The following REDIC1 variants were observed in gnomAD, a reference collection of about 807,000 sequenced individuals.
REDIC1 encodes the protein HEI10 Interacting Protein 1.
At chr12:39,712,031 T>TGTATATATACCTACCTGTAG in the REDIC1 span, among the ~76,000 whole-genome samples, 1 of 143,842 alleles carries the variant, frequency 7.0e-6, no homozygotes, top group Non-Finnish European at 1.5e-5. Flanking sequence ...TATATATACA[T>TGTATATATACCTACCTGTAG]GTATATATAC....
chr12:39,744,178 G>C, the REDIC1 span, among the ~76,000 whole-genome samples: 1 of 152,154 alleles, frequency 6.6e-6, no homozygotes, highest in East Asian at 1.9e-4. Flanking sequence ...GAAAAGAGTG[G>C]GGTGAAATAC....
chr12:39,626,297 C>A, the REDIC1 span: 1 of 1,612,868 alleles, frequency 6.2e-7, no homozygotes, highest in Non-Finnish European at 8.5e-7. Context: ...GATGTCTGAG[C>A]TCTAGACACA....
At chr12:39,669,518 G>T in the REDIC1 span, among the ~76,000 whole-genome samples, 8 of 152,340 alleles carry the variant, frequency 5.3e-5, no homozygotes, top group African/African-American at 1.7e-4. Flanking sequence ...ACTTGAGGGC[G>T]CAGTCTGTCC....
the REDIC1 span, among the ~76,000 whole-genome samples, chr12:39,856,949 G>A: frequency 1.3e-5 from 2 of 152,232 alleles, no homozygotes; most frequent in African/African-American, 4.8e-5. Context: ...TACACCAGAC[G>A]CTGATTCCAG....
At chr12:39,805,151 C>T in the REDIC1 span, among the ~76,000 whole-genome samples, 2 of 149,254 alleles carry the variant, frequency 1.3e-5, no homozygotes, top group Non-Finnish European at 3.0e-5. Context: ...CCAGGCCAGG[C>T]CAGAGAGTTG....
chr12:39,687,145 T>C, the REDIC1 span, among the ~76,000 whole-genome samples: 1 of 152,128 alleles, frequency 6.6e-6, no homozygotes, highest in South Asian at 2.1e-4. Context: ...CTTTCCCTTA[T>C]CTTGTGTTCT....
the REDIC1 span, among the ~76,000 whole-genome samples, chr12:39,862,677 TAAGGA>T: frequency 6.6e-6 from 1 of 152,206 alleles, no homozygotes; most frequent in Admixed American, 6.5e-5. Flanking sequence ...CTGTTTGTCT[TAAGGA>T]AAGGGGAAAT....
the REDIC1 span, among the ~76,000 whole-genome samples, chr12:39,711,021 G>A: frequency 6.6e-6 from 1 of 151,188 alleles, no homozygotes; most frequent in Non-Finnish European, 1.5e-5. Context: ...CACCATATTT[G>A]TAGTCTTTTA....
chr12:39,756,597 A>C, the REDIC1 span: 2 of 151,830 alleles, frequency 1.3e-5, no homozygotes, highest in African/African-American at 4.8e-5. Context: ...AAACATATGG[A>C]TGGTATTTTC....
the REDIC1 span, among the ~76,000 whole-genome samples, chr12:39,690,808 G>C: frequency 6.6e-6 from 1 of 152,078 alleles, no homozygotes; most frequent in South Asian, 2.1e-4. Flanking sequence ...TCCATAGCAA[G>C]GCTTGCCATC....
At chr12:39,867,024 T>C in the REDIC1 span, among the ~76,000 whole-genome samples, 2 of 152,188 alleles carry the variant, frequency 1.3e-5, no homozygotes, top group Non-Finnish European at 2.9e-5. Flanking sequence ...TTTGAGCCAT[T>C]ACTTTTCTCA....
the REDIC1 span, among the ~76,000 whole-genome samples, chr12:39,768,129 C>A: frequency 2.0e-5 from 3 of 152,106 alleles, no homozygotes; most frequent in Admixed American, 1.3e-4. Flanking sequence ...AAAACAGCTT[C>A]TTTCCTTAAA....
chr12:39,853,657 C>T, the REDIC1 span, among the ~76,000 whole-genome samples: 2 of 146,268 alleles, frequency 1.4e-5, no homozygotes, highest in African/African-American at 5.1e-5. Flanking sequence ...AAGCTTTAGT[C>T]AGACTGCTAC....
the REDIC1 span, among the ~76,000 whole-genome samples, chr12:39,832,954 G>A: frequency 2.0e-5 from 3 of 151,854 alleles, no homozygotes; most frequent in East Asian, 1.9e-4. Flanking sequence ...AGCCTCAAAC[G>A]GATTCTCAAA....
chr12:39,784,567 C>A, the REDIC1 span, among the ~76,000 whole-genome samples: 1 of 152,096 alleles, frequency 6.6e-6, no homozygotes, highest in Non-Finnish European at 1.5e-5. Flanking sequence ...CTTATACAAA[C>A]ATTAATTCAA....
the REDIC1 span, among the ~76,000 whole-genome samples, chr12:39,700,537 CCAATCTAGCA>C: frequency 2.0e-5 from 3 of 152,100 alleles, no homozygotes; most frequent in South Asian, 2.1e-4. Flanking sequence ...GCAGAACTTC[CCAATCTAGCA>C]AGGCAGGCCA....
the REDIC1 span, among the ~76,000 whole-genome samples, chr12:39,638,739 A>T: frequency 6.6e-6 from 1 of 152,038 alleles, no homozygotes. Flanking sequence ...TATATGTCAG[A>T]ATCCTTTTTC....
chr12:39,714,242 T>C, the REDIC1 span, among the ~76,000 whole-genome samples: 3 of 145,078 alleles, frequency 2.1e-5, no homozygotes, highest in Non-Finnish European at 3.0e-5. Flanking sequence ...TATGTATATA[T>C]GTATATACGT....
the REDIC1 span, among the ~76,000 whole-genome samples, chr12:39,775,552 A>G: frequency 6.6e-6 from 1 of 152,228 alleles, no homozygotes; most frequent in African/African-American, 2.4e-5. Context: ...CTATTAATTC[A>G]TAAGAAAATA....
Sources: allele counts gnomAD v4.1 joint callset (sites outside exome capture counted in the v4.1 genomes callset), GRCh38; gene constraint gnomAD v4.1.1; transcripts MANE v1.5; gene names NCBI Gene and HGNC (gene_info 2026-07-23, HGNC 2026-07-21).